Variants in GPR26 observed in about 807,000 individuals in gnomAD.
GPR26 encodes the protein G protein-coupled receptor 26.
Under a neutral mutation model 23.1 loss-of-function variants are expected in GPR26, and 15 were observed. That is an observed-to-expected ratio of 0.65 (90% CI 0.43 to 1.00). GPR26 has a LOEUF of 1.00. Among genes scored for constraint, GPR26 ranks in the 50% least tolerant of loss-of-function variants. GPR26 has a pLI of 0.00. For synonymous variants in GPR26, 228 were observed against 222.1 expected, an observed-to-expected ratio of 1.03 and a Z score of -0.24; for missense variants, 359 against 470.5, an observed-to-expected ratio of 0.76 and a Z score of 2.19.
intron 2 of GPR26, among the ~76,000 whole-genome samples, chr10:123,684,538 A>G (rs755395081): frequency 7.9e-5 from 12 of 152,206 alleles, no homozygotes; most frequent in Non-Finnish European, 1.8e-4. Flanking sequence ...CAGAAGTCCA[A>G]GATCAAGGTG....
At position 123,690,232 on chromosome 10, in the gene GPR26, T is replaced by G. The variant is rs939345283; in HGVS notation, c.*2072T>G. On this transcript the variant is annotated 3_prime_UTR_variant, in exon 3 of 3. Coordinates refer to ENST00000284674, the MANE Select transcript of GPR26 (RefSeq NM_153442.4). ...CCAACCCCAGAGGAACCAGTGGGAT[T>G]GAAAACCAGCAGAAGCCAAGACAGG... The G allele has an allele frequency of 6.6e-6, 1 of 152,160 alleles. No individual in the cohort carries two copies. Among genetic ancestry groups the G allele is most frequent in the Non-Finnish European group, 1.5e-5 (1 of 68,042 alleles). 9.4% of individuals were successfully genotyped at this position (152,160 alleles called of 1,614,324 possible).
rs1412737311 is a variant in GPR26 at position 123,689,403 on chromosome 10, T to A, written c.*1243T>A. 6.6e-6 allele frequency: 1 copy of A among 152,212 alleles called. No homozygotes were observed. Among genetic ancestry groups the A allele is most frequent in the Non-Finnish European group, 1.5e-5 (1 of 68,050 alleles). The allele number at this position is 152,212 out of a possible 1,614,324, so 9.4% of individuals were successfully genotyped here. A position where few individuals can be genotyped will look rare whatever the true frequency, so the allele number is the denominator to read the frequency against. ...TGGAATACTGCACCTATAAAACACA[T>A]GCCAATCTGTTAGCAGTCCTGACTT... On this transcript the variant is annotated 3_prime_UTR_variant, in exon 3 of 3. Transcript: ENST00000284674.
At chr10:123,676,087 T>C (rs1307527621) in intron 2 of GPR26, among the ~76,000 whole-genome samples, 1 of 150,132 alleles carries the variant, frequency 6.7e-6, no homozygotes, top group Non-Finnish European at 1.5e-5. Flanking sequence ...CAGTTCTTCT[T>C]TCTGCCATCC....
intron 2 of GPR26, among the ~76,000 whole-genome samples, chr10:123,685,811 C>T (rs1255449205): frequency 6.6e-6 from 1 of 152,220 alleles, no homozygotes; most frequent in Non-Finnish European, 1.5e-5. Context: ...GCTTCCCATG[C>T]AGGAGACCCT....
rs995542315 is a variant in GPR26, at chr10:123,694,762, C to T, written c.*6602C>T. Among the ~76,000 whole-genome samples, 1 of 140,576 alleles carries T rather than the reference C, an allele frequency of 7.1e-6. No individual in the cohort carries two copies. The highest frequency in any genetic ancestry group is 1.5e-5 in the Non-Finnish European group (1 of 65,412). The allele number at this position is 140,576 out of a possible 152,430, so 92.2% of individuals were successfully genotyped here. ...GATGCAGATTCCCTAGGAAGTTGAA[C>T]GAAGAAGGAAGGAAGGAAGAAAGGA... On this transcript the variant is annotated 3_prime_UTR_variant, in exon 3 of 3. Coordinates refer to ENST00000284674, the MANE Select transcript of GPR26 (RefSeq NM_153442.4).
At chr10:123,673,461 T>C (rs1042445528) in intron 1 of GPR26, among the ~76,000 whole-genome samples, 1 of 152,192 alleles carries the variant, frequency 6.6e-6, no homozygotes, top group African/African-American at 2.4e-5. Context: ...TATCTTCACT[T>C]CCTGGGCAAC....
intron 1 of GPR26, among the ~76,000 whole-genome samples, chr10:123,668,848 A>G (rs1845218361): frequency 6.6e-6 from 1 of 152,226 alleles, no homozygotes. Flanking sequence ...GTTCTTATTT[A>G]GAGCAGTACA....
At chr10:123,675,807 T>TGTGTGTGTGTGTGTGTGTAC (rs1845299692) in intron 2 of GPR26, among the ~76,000 whole-genome samples, 1 of 129,052 alleles carries the variant, frequency 7.7e-6, no homozygotes, top group Non-Finnish European at 1.7e-5. Context: ...TCTGTGTGTG[T>TGTGTGTGTGTGTGTGTGTAC]GTGTGTGTGT....
rs762105429 is a variant in GPR26, at chr10:123,674,783, C to G, written c.669-35C>G. On this transcript the variant is annotated intron_variant, in intron 1 of 2. Transcript: ENST00000284674. This position sits in a 1 kb window ranked among gnomAD's most constrained non-coding sequence, Gnocchi z 4.1. ...CCTCATCCTGACCTAGCAAGGGTGC[C>G]TCGTAGTTCACCTTCTCTCCTCTCT... The G allele has an allele frequency of 7.0e-7, 1 of 1,425,134 alleles. No individual in the cohort carries two copies. The highest frequency in any genetic ancestry group is 1.2e-5 in the South Asian group (1 of 85,904). The allele number at this position is 1,425,134 out of a possible 1,614,324, so 88.3% of individuals were successfully genotyped here. A position where few individuals can be genotyped will look rare whatever the true frequency, so the allele number is the denominator to read the frequency against.
At chr10:123,684,465 C>G (rs997217473) in intron 2 of GPR26, among the ~76,000 whole-genome samples, 5 of 152,160 alleles carry the variant, frequency 3.3e-5, no homozygotes, top group African/African-American at 1.2e-4. Flanking sequence ...CTAGGGCTGC[C>G]GTAACAGAGT....
chr10:123,673,442 C>T (rs1057396671), intron 1 of GPR26, among the ~76,000 whole-genome samples: 2 of 152,218 alleles, frequency 1.3e-5, no homozygotes. Context: ...AGGCTTGGCA[C>T]TGCCAAGTTA....
In GPR26 at chr10:123,666,510, G is replaced by A. The variant is rs758080988; in HGVS notation, c.103G>A (p.Asp35Asn). The change falls in exon 1 of 3, where the codon GAC (aspartate) becomes AAC (asparagine). Residue 35 changes from aspartate (D) to asparagine (N), a missense_variant. Physicochemically the swap from Asp to Asn is conservative, Grantham distance 23. Coordinates refer to ENST00000284674, the MANE Select transcript of GPR26 (RefSeq NM_153442.4). ...LVLLCLLHSA[D>N]IRRQAPALFT... ...GCTGCTCTGCCTGCTGCACAGCGCG[G>A]ACATCCGCCGCCAGGCGCCGGCGCT... The A allele has an allele frequency of 2.0e-5, 31 of 1,576,328 alleles. No homozygotes were observed. In the South Asian group the frequency reaches 3.0e-4, roughly 15 times the overall value.
intron 2 of GPR26, among the ~76,000 whole-genome samples, chr10:123,684,338 T>C (rs1236763057): frequency 1.3e-5 from 2 of 152,086 alleles, no homozygotes; most frequent in Admixed American, 6.5e-5. Flanking sequence ...ATACACGTGC[T>C]CTAGGAGTGG....
At chr10:123,681,625 T>C (rs1435635401) in intron 2 of GPR26, among the ~76,000 whole-genome samples, 1 of 152,218 alleles carries the variant, frequency 6.6e-6, no homozygotes, top group Non-Finnish European at 1.5e-5. Flanking sequence ...GATTCTGCTG[T>C]AATATCTGCC....
In GPR26 at chr10:123,671,790, T is replaced by C. The variant is rs554206437; in HGVS notation, c.669-3028T>C. 6.6e-5 allele frequency among the ~76,000 whole-genome samples: 10 copies of C among 152,312 alleles called. No homozygotes were observed. In the East Asian group the frequency reaches 1.9e-3, roughly 29 times the overall value. On this transcript the variant is annotated intron_variant, in intron 1 of 2. Coordinates refer to ENST00000284674, the MANE Select transcript of GPR26 (RefSeq NM_153442.4). ...AGAGCCCTGACTCTGTCCTGAATTC[T>C]CTGTGTAACCTTGGGCATGTTGTAA...
intron 1 of GPR26, among the ~76,000 whole-genome samples, chr10:123,673,788 A>AG (rs1282594835): frequency 6.6e-5 from 10 of 152,252 alleles, no homozygotes; most frequent in African/African-American, 2.4e-4. Flanking sequence ...CATGGAGTCC[A>AG]GGCTGCCTCA....
Position 123,674,240 on chromosome 10 carries a change from G to A in GPR26, c.669-578G>A, listed in dbSNP as rs1371152048. On this transcript the variant is annotated intron_variant, in intron 1 of 2. Coordinates refer to ENST00000284674, the MANE Select transcript of GPR26 (RefSeq NM_153442.4). This position sits in a 1 kb window ranked among gnomAD's most constrained non-coding sequence, Gnocchi z 4.1. ...CCCAAAGTGCTGGGATTACAGGTGT[G>A]AGCCACTGTGCCAGGCCGAGCTCAT... Among the ~76,000 whole-genome samples the A allele has an allele frequency of 4.0e-5, 6 of 150,888 alleles. No homozygotes were observed. The highest frequency in any genetic ancestry group is 9.8e-5 in the African/African-American group (4 of 40,910).
At chr10:123,668,844 A>G (rs1845218324) in intron 1 of GPR26, among the ~76,000 whole-genome samples, 1 of 152,158 alleles carries the variant, frequency 6.6e-6, no homozygotes, top group Non-Finnish European at 1.5e-5. Flanking sequence ...ACCAGTTCTT[A>G]TTTAGAGCAG....
At position 123,688,125 on chromosome 10, in the gene GPR26, T is replaced by C. The variant is rs1477122109; in HGVS notation, c.979T>C (p.Ser327Pro). ...SIHSSGLTGD[S>P]HSQNILPVSE Reference sequence around the variant, plus strand: ...CCACTCCTCTGGCCTCACAGGCGACTCTCACAGCCAGAACATTCTGCCGGT... The same window carrying C: ...CCACTCCTCTGGCCTCACAGGCGACCCTCACAGCCAGAACATTCTGCCGGT... The change falls in exon 3 of 3, where the codon TCT (serine) becomes CCT (proline). Residue 327 changes from serine (S) to proline (P), a missense_variant. Coordinates refer to ENST00000284674, the MANE Select transcript of GPR26 (RefSeq NM_153442.4). 2 of 1,609,976 alleles carry C rather than the reference T, an allele frequency of 1.2e-6. No homozygotes were observed. The highest frequency in any genetic ancestry group is 1.7e-6 in the Non-Finnish European group (2 of 1,177,886).
Sources: allele counts gnomAD v4.1 joint callset (sites outside exome capture counted in the v4.1 genomes callset), GRCh38; gene constraint gnomAD v4.1.1; non-coding constraint Gnocchi (gnomAD v3.1); transcripts MANE v1.5; gene names NCBI Gene and HGNC (gene_info 2026-07-23, HGNC 2026-07-21).